CAMTA1: variants seen among roughly 807,000 people sequenced by gnomAD.
CAMTA1 encodes the protein calmodulin-binding transcription activator 1.
Under a neutral mutation model 170.9 loss-of-function variants are expected in CAMTA1, and 27 were observed. The ratio of observed to expected loss-of-function variants is 0.16; its 90% CI spans 0.12 to 0.22. CAMTA1 has a LOEUF of 0.22. CAMTA1 is among the 10% of genes least tolerant of loss of function. CAMTA1 has a pLI of 1.00. For synonymous variants in CAMTA1, 833 were observed against 891.5 expected, an observed-to-expected ratio of 0.93 and a Z score of 1.17; for missense variants, 1,619 against 2,217.2, an observed-to-expected ratio of 0.73 and a Z score of 5.42.
chr1:7,296,599 A>G (rs188010405), intron 5 of CAMTA1, among the ~76,000 whole-genome samples: 42 of 152,292 alleles, frequency 2.8e-4, no homozygotes, highest in African/African-American at 9.1e-4. Context: ...TTGGGTGCCT[A>G]AGAAACTGAG....
rs145501378 is a variant in CAMTA1, at chr1:6,842,197, G to A, written c.234+16987G>A. On this transcript the variant is annotated intron_variant, in intron 3 of 22. Transcript: ENST00000303635. ...ACTCCACAACATGCTCACAGAGGTG[G>A]AAGACCAAGTTAGTGCAGACCCATT... 1.3e-3 allele frequency among the ~76,000 whole-genome samples: 203 copies of A among 152,342 alleles called. 1 individual carries two copies. The highest frequency in any genetic ancestry group is 3.4e-3 in the Middle Eastern group (1 of 294).
At chr1:6,801,245 A>G (rs937765092) in intron 1 of CAMTA1, among the ~76,000 whole-genome samples, 2 of 152,072 alleles carry the variant, frequency 1.3e-5, no homozygotes, top group Admixed American at 1.3e-4. Context: ...TGCAGCTTGT[A>G]TGAGTGTTTT....
chr1:7,041,259 C>T lies in CAMTA1; in HGVS notation c.235-50045C>T, dbSNP rs531552321. Among the ~76,000 whole-genome samples the T allele has an allele frequency of 4.6e-5, 7 of 152,370 alleles. No individual in the cohort carries two copies. In the South Asian group the frequency reaches 1.4e-3, roughly 32 times the overall value. ...GAAGGGTTGCCCTCTGTCCCCTTCT[C>T]GGCTTCCTCTGCAGAGGGGCTCAGA... is the stretch of plus-strand genomic sequence containing the variant. On this transcript the variant is annotated intron_variant, in intron 3 of 22. Coordinates refer to ENST00000303635, the MANE Select transcript of CAMTA1 (RefSeq NM_015215.4). The surrounding 1 kb of genome is among the most constrained non-coding windows in gnomAD (Gnocchi z 5.1).
chr1:7,313,582 T>G (rs917446358), intron 5 of CAMTA1, among the ~76,000 whole-genome samples: 1 of 152,168 alleles, frequency 6.6e-6, no homozygotes, highest in African/African-American at 2.4e-5. Flanking sequence ...AAACCTAGAA[T>G]TGGTATTTTT....
At chr1:7,702,192 G>A (rs1558160443) in intron 11 of CAMTA1, among the ~76,000 whole-genome samples, 1 of 152,038 alleles carries the variant, frequency 6.6e-6, no homozygotes, top group Non-Finnish European at 1.5e-5. Flanking sequence ...AGTGCCTCCT[G>A]GGCTGCTGCA....
intron 5 of CAMTA1, among the ~76,000 whole-genome samples, chr1:7,444,066 C>G (rs541725705): frequency 2.6e-5 from 4 of 152,206 alleles, no homozygotes; most frequent in African/African-American, 7.2e-5. Context: ...CAGATTCCCT[C>G]GCTCAGAGGA....
rs115147995 is a variant in CAMTA1, at chr1:7,145,619, A to G, written c.302+54248A>G. On this transcript the variant is annotated intron_variant, in intron 4 of 22. Transcript: ENST00000303635. ...CTGTCTGTGTAGGGAAGGCAAAGAC[A>G]CAGGAAAATGACAGCTTAGTGTCCG... Among the ~76,000 whole-genome samples the G allele has an allele frequency of 8.5e-3, 1,290 of 152,198 alleles. 8 individuals are homozygous for G. The highest frequency in any genetic ancestry group is 0.029 in the African/African-American group (1,219 of 41,524).
chr1:7,637,132 G>T (rs568029777), intron 6 of CAMTA1, among the ~76,000 whole-genome samples: 2 of 152,360 alleles, frequency 1.3e-5, no homozygotes, highest in South Asian at 4.1e-4. Flanking sequence ...CCACGGTTTG[G>T]GTTCATGGTG....
chr1:7,605,156 G>A (rs2095476422), intron 6 of CAMTA1, among the ~76,000 whole-genome samples: 1 of 152,220 alleles, frequency 6.6e-6, no homozygotes, highest in Non-Finnish European at 1.5e-5. Context: ...GACGCAGTCT[G>A]TCCATTCTCC....
chr1:6,974,341 A>G (rs1296121578), intron 3 of CAMTA1, among the ~76,000 whole-genome samples: 1 of 152,212 alleles, frequency 6.6e-6, no homozygotes, highest in Non-Finnish European at 1.5e-5. Context: ...ATTTTTAAAA[A>G]CACTTGGACC....
Position 6,785,504 on chromosome 1 carries a change from G to C in CAMTA1, c.-27G>C, listed in dbSNP as rs192783463. 1.5e-5 allele frequency: 16 copies of C among 1,034,334 alleles called. No individual in the cohort carries two copies. Among genetic ancestry groups the C allele is most frequent in the Non-Finnish European group, 1.5e-5 (13 of 855,170 alleles). 64.1% of individuals were successfully genotyped at this position (1,034,334 alleles called of 1,614,324 possible). A position where few individuals can be genotyped will look rare whatever the true frequency, so the allele number is the denominator to read the frequency against. On this transcript the variant is annotated 5_prime_UTR_variant, in exon 1 of 23. Transcript: ENST00000303635. ...CGGCGGCGGTACGAGGCGCGCGCTC[G>C]GGGTCCCGGTCGCGAGGAGGAGGAG...
intron 5 of CAMTA1, among the ~76,000 whole-genome samples, chr1:7,448,724 C>T (rs2092740316): frequency 6.6e-6 from 1 of 152,200 alleles, no homozygotes; most frequent in Non-Finnish European, 1.5e-5. Context: ...GGGTCTCCCT[C>T]CAGCCTCTTT....
At chr1:6,802,281 C>T (rs1643945897) in intron 1 of CAMTA1, among the ~76,000 whole-genome samples, 1 of 152,132 alleles carries the variant, frequency 6.6e-6, no homozygotes, top group African/African-American at 2.4e-5. Context: ...ACTCTAGTTC[C>T]AGTACTCATC....
At chr1:7,359,099 CT>C (rs2085347788) in intron 5 of CAMTA1, among the ~76,000 whole-genome samples, 1 of 152,210 alleles carries the variant, frequency 6.6e-6, no homozygotes, top group South Asian at 2.1e-4. Flanking sequence ...ATAAGAGGGG[CT>C]CTAGGTGGGA....
rs375038855 is a variant in CAMTA1 at position 7,664,971 on chromosome 1, C to T, written c.2424C>T (p.Asp808=). ...GDSTALSQSE[D]GARAPFTQAE... ...GCACGGCGCTCTCACAGTCAGAGGA[C>T]GGGGCGCGGGCCCCCTTCACCCAGG... is the stretch of plus-strand genomic sequence containing the variant. The change falls in exon 9 of 23, where the codon GAC becomes GAT. Residue 808 remains aspartate (D), a synonymous_variant. Coordinates refer to ENST00000303635, the MANE Select transcript of CAMTA1 (RefSeq NM_015215.4). 78 of 1,611,354 alleles carry T rather than the reference C, an allele frequency of 4.8e-5. 1 individual carries two copies. The highest frequency in any genetic ancestry group is 3.9e-4 in the South Asian group (35 of 90,880).
At chr1:7,161,546 A>G (rs114033615) in intron 4 of CAMTA1, among the ~76,000 whole-genome samples, 1 of 152,038 alleles carries the variant, frequency 6.6e-6, no homozygotes, top group African/African-American at 2.4e-5. Context: ...GTCTCAGGAG[A>G]TTGGATGGTT....
intron 6 of CAMTA1, among the ~76,000 whole-genome samples, chr1:7,573,829 A>G (rs528497354): frequency 6.6e-6 from 1 of 152,098 alleles, no homozygotes; most frequent in Non-Finnish European, 1.5e-5. Context: ...GCTGGAGTGC[A>G]GTGGCGCCAT....
chr1:6,977,649 CTTT>C (rs1421302333), intron 3 of CAMTA1, among the ~76,000 whole-genome samples: 1 of 152,126 alleles, frequency 6.6e-6, no homozygotes, highest in Non-Finnish European at 1.5e-5. Flanking sequence ...CTGGACTAAG[CTTT>C]TTTAAGCATA....
chr1:7,712,814 A>C (rs1480635592), intron 11 of CAMTA1, among the ~76,000 whole-genome samples: 1 of 146,324 alleles, frequency 6.8e-6, no homozygotes, highest in South Asian at 2.3e-4. Context: ...CCTCACAATC[A>C]TGGCAGAAAG....
Sources: allele counts gnomAD v4.1 joint callset (sites outside exome capture counted in the v4.1 genomes callset), GRCh38; gene constraint gnomAD v4.1.1; non-coding constraint Gnocchi (gnomAD v3.1); transcripts MANE v1.5; gene names NCBI Gene and HGNC (gene_info 2026-07-23, HGNC 2026-07-21).